ENPP6: variants seen among roughly 807,000 people sequenced by gnomAD.
The protein encoded by ENPP6 is ectonucleotide pyrophosphatase/phosphodiesterase 6.
A neutral mutation model predicts 42.0 loss-of-function variants in ENPP6; 32 were observed. The ratio of observed to expected loss-of-function variants is 0.76; its 90% CI spans 0.58 to 1.02. The LOEUF (loss-of-function observed/expected upper bound fraction) is 1.02, where lower values mean the gene tolerates loss of function less well. ENPP6 is among the 50% of genes least tolerant of loss of function. The pLI is 0.00. For synonymous variants in ENPP6, 213 were observed against 216.0 expected (o/e 0.99, Z 0.12); for missense variants, 552 against 566.8 (o/e 0.97, Z 0.27).
chr4:184,129,213 A>G (rs185762820), intron 2 of ENPP6, among the ~76,000 whole-genome samples: 78 of 152,002 alleles, frequency 5.1e-4, no homozygotes, highest in African/African-American at 1.9e-3. Context: ...GCGTTCTTCT[A>G]TTGGAAAGTT....
At chr4:184,110,510 C>A (rs1736180749) in intron 6 of ENPP6, among the ~76,000 whole-genome samples, 1 of 152,314 alleles carries the variant, frequency 6.6e-6, no homozygotes, top group South Asian at 2.1e-4. Flanking sequence ...TTAGCATAAT[C>A]TTCAGAGTCC....
intron 6 of ENPP6, among the ~76,000 whole-genome samples, chr4:184,102,164 C>G (rs977825482): frequency 6.6e-6 from 1 of 152,196 alleles, no homozygotes; most frequent in Admixed American, 6.5e-5. Flanking sequence ...ATCAGAAACC[C>G]AGTAAATACA....
chr4:184,210,259 A>G (rs1382462431), intron 1 of ENPP6, among the ~76,000 whole-genome samples: 14 of 148,142 alleles, frequency 9.5e-5, no homozygotes, highest in African/African-American at 2.8e-4. Context: ...ATGTAAATGG[A>G]CTAAATGCTC....
chr4:184,212,909 A>G lies in ENPP6; in HGVS notation c.241+4670T>C, dbSNP rs536258242. The stretch of plus-strand genomic sequence containing the variant: ...AACAGAGATATCGATCAATGGAACA[A>G]AACAGAGCCCTCAGAAATAACGCCG... On this transcript the variant is annotated intron_variant, in intron 1 of 7. Coordinates refer to ENST00000296741, the MANE Select transcript of ENPP6 (RefSeq NM_153343.4). 3.0e-3 allele frequency among the ~76,000 whole-genome samples: 456 copies of G among 152,004 alleles called. 5 individuals are homozygous for G. The highest frequency in any genetic ancestry group is 9.9e-3 in the African/African-American group (408 of 41,398).
chr4:184,192,300 T>C (rs1043194419), intron 1 of ENPP6, among the ~76,000 whole-genome samples: 4 of 152,206 alleles, frequency 2.6e-5, no homozygotes, highest in Non-Finnish European at 5.9e-5. Context: ...ATTATTGGAA[T>C]AAAATTGAGA....
chr4:184,194,944 A>G (rs112407056), intron 1 of ENPP6, among the ~76,000 whole-genome samples: 1 of 152,176 alleles, frequency 6.6e-6, no homozygotes. Flanking sequence ...CTCAGCAGGA[A>G]AAAGACGCCC....
In ENPP6 at chr4:184,164,311, T is replaced by C. The variant is rs558831381; in HGVS notation, c.242-10578A>G. Among the ~76,000 whole-genome samples, 33 of 152,350 alleles carry C rather than the reference T, an allele frequency of 2.2e-4. No individual in the cohort carries two copies. The South Asian group carries it at 2.3e-3, about 11-fold the overall frequency. On this transcript the variant is annotated intron_variant, in intron 1 of 7. Coordinates refer to ENST00000296741, the MANE Select transcript of ENPP6 (RefSeq NM_153343.4). ...GGTAGTGTTCTAAGGGCATCTCTTA[T>C]GGATTGAATTGTGTTTCCCCAAAAA...
rs115469541 is a variant in ENPP6, at chr4:184,106,706, A to G, written c.993+5966T>C. 5.3e-3 allele frequency among the ~76,000 whole-genome samples: 803 copies of G among 151,954 alleles called. 10 individuals carry two copies. Among genetic ancestry groups the G allele is most frequent in the African/African-American group, 0.018 (757 of 41,412 alleles). ...CTCTGTGTCCATGACAGCTCTTACC[A>G]TGGCGACTTATTTGTGTGGCATGCG... is the stretch of plus-strand genomic sequence containing the variant. On this transcript the variant is annotated intron_variant, in intron 6 of 7. Coordinates refer to ENST00000296741, the MANE Select transcript of ENPP6 (RefSeq NM_153343.4).
intron 7 of ENPP6, among the ~76,000 whole-genome samples, chr4:184,093,764 G>A (rs1309549169): frequency 6.6e-6 from 1 of 152,050 alleles, no homozygotes; most frequent in East Asian, 1.9e-4. Flanking sequence ...ACAATCAGAT[G>A]AGGATGGTAG....
chr4:184,202,715 C>A (rs1356752372), intron 1 of ENPP6, among the ~76,000 whole-genome samples: 4 of 152,146 alleles, frequency 2.6e-5, no homozygotes, highest in South Asian at 2.1e-4. Context: ...AAGAGGAAAT[C>A]GGAGGGGAGG....
In ENPP6 at chr4:184,206,618, T is replaced by A. The variant is rs183308938; in HGVS notation, c.241+10961A>T. On this transcript the variant is annotated intron_variant, in intron 1 of 7. Coordinates refer to ENST00000296741, the MANE Select transcript of ENPP6 (RefSeq NM_153343.4). Reference sequence around the variant, plus strand: ...CTCTCTCGAAACACGATTGTTCAAGTACTTTCTGCATTGATTGCCTTTGGT... The same window carrying A: ...CTCTCTCGAAACACGATTGTTCAAGAACTTTCTGCATTGATTGCCTTTGGT... 1.2e-4 allele frequency among the ~76,000 whole-genome samples: 19 copies of A among 152,302 alleles called. No homozygotes were observed. The East Asian group carries it at 3.7e-3, about 29-fold the overall frequency.
intron 2 of ENPP6, among the ~76,000 whole-genome samples, chr4:184,125,602 C>G (rs1013577123): frequency 6.6e-6 from 1 of 152,158 alleles, no homozygotes. Flanking sequence ...AGGGCAGCCT[C>G]CAGAAAGCAT....
At chr4:184,117,687 G>A (rs900709147) in intron 4 of ENPP6, 72 bp downstream of exon 4, 7 of 1,585,190 alleles carry the variant, frequency 4.4e-6, no homozygotes, top group Non-Finnish European at 6.0e-6. Flanking sequence ...ATGTTGACAG[G>A]AGTGACTGTG....
intron 1 of ENPP6, among the ~76,000 whole-genome samples, chr4:184,196,933 C>G (rs1732810401): frequency 6.6e-6 from 1 of 152,196 alleles, no homozygotes; most frequent in Admixed American, 6.5e-5. Context: ...TTTCAAGACC[C>G]CCCCACAGCT....
intron 6 of ENPP6, among the ~76,000 whole-genome samples, chr4:184,111,840 G>A (rs143790844): frequency 3.3e-5 from 5 of 152,134 alleles, no homozygotes; most frequent in Admixed American, 2.6e-4. Context: ...GCTGATCATC[G>A]CCTGTCCTCA....
intron 1 of ENPP6, among the ~76,000 whole-genome samples, chr4:184,180,379 C>T (rs1344675953): frequency 6.6e-6 from 1 of 152,012 alleles, no homozygotes; most frequent in Non-Finnish European, 1.5e-5. Context: ...AATCCACCAA[C>T]CAAAAAAAGC....
chr4:184,117,099 T>C, intron 4 of ENPP6, 64 bp from the exon 5 acceptor site: 5 of 1,570,872 alleles, frequency 3.2e-6, no homozygotes, highest in Non-Finnish European at 3.5e-6. Flanking sequence ...TCAGAAAACC[T>C]TGTCAACTAC....
At chr4:184,139,022 C>T (rs1736775568) in intron 2 of ENPP6, among the ~76,000 whole-genome samples, 1 of 152,212 alleles carries the variant, frequency 6.6e-6, no homozygotes, top group Admixed American at 6.5e-5. Flanking sequence ...ACTGCAAGTC[C>T]TGCAGACACC....
chr4:184,164,407 G>A (rs1344664777), intron 1 of ENPP6, among the ~76,000 whole-genome samples: 1 of 152,098 alleles, frequency 6.6e-6, no homozygotes, highest in African/African-American at 2.4e-5. Context: ...TTTACAGATG[G>A]CATCAAGTTA....
Sources: allele counts gnomAD v4.1 joint callset (sites outside exome capture counted in the v4.1 genomes callset), GRCh38; gene constraint gnomAD v4.1.1; transcripts MANE v1.5; gene names NCBI Gene and HGNC (gene_info 2026-07-23, HGNC 2026-07-21).